SLC51A: variants seen among roughly 807,000 people sequenced by gnomAD.
SLC51A encodes the protein organic solute transporter subunit alpha.
Under a neutral mutation model 34.8 loss-of-function variants are expected in SLC51A, and 22 were observed. The observed-to-expected ratio is 0.63, with a 90% CI of 0.45 to 0.90. The LOEUF (loss-of-function observed/expected upper bound fraction) is 0.90, where lower values mean the gene tolerates loss of function less well. Ranked by LOEUF, SLC51A falls within the 40% of genes least tolerant of loss-of-function variation. The pLI is 0.00. For synonymous variants in SLC51A, 181 were observed against 176.3 expected (o/e 1.03, Z -0.21); for missense variants, 371 against 414.8 (o/e 0.89, Z 0.92).
rs1383018046 is a variant in SLC51A, at chr3:196,216,576, C to T, written c.-137C>T. ...CGGGAAGCTCAAGGAGGGAGAGCGGCAGAGGGGAAGACTCTGCAATTCTGC... is the reference window on the plus strand; with the variant it reads ...CGGGAAGCTCAAGGAGGGAGAGCGGTAGAGGGGAAGACTCTGCAATTCTGC... On this transcript the variant is annotated 5_prime_UTR_variant, in exon 1 of 9. Coordinates refer to ENST00000296327, the MANE Select transcript of SLC51A (RefSeq NM_152672.6). The surrounding 1 kb of genome is among the most constrained non-coding windows in gnomAD (Gnocchi z 4.5). The T allele has an allele frequency of 1.2e-6, 1 of 868,914 alleles. No homozygotes were observed. Among genetic ancestry groups the T allele is most frequent in the Non-Finnish European group, 1.9e-6 (1 of 534,686 alleles). The allele number at this position is 868,914 out of a possible 1,614,324, so 53.8% of individuals were successfully genotyped here.
chr3:196,218,963 C>T (rs1209271134), intron 2 of SLC51A, among the ~76,000 whole-genome samples: 7 of 152,156 alleles, frequency 4.6e-5, no homozygotes, highest in African/African-American at 7.2e-5. Flanking sequence ...CGGTGGCTCA[C>T]GCCTGTAATC....
chr3:196,225,040 T>C (rs1186230784), intron 2 of SLC51A, among the ~76,000 whole-genome samples: 3 of 150,378 alleles, frequency 2.0e-5, no homozygotes, highest in Non-Finnish European at 4.5e-5. Flanking sequence ...TTTTTTTTTT[T>C]CACCCAGGCT....
intron 7 of SLC51A, among the ~76,000 whole-genome samples, chr3:196,231,543 T>C (rs1245540103): frequency 6.6e-6 from 1 of 152,012 alleles, no homozygotes; most frequent in East Asian, 1.9e-4. Flanking sequence ...TCCAGGCACA[T>C]AGGAGGTAGA....
At chr3:196,218,069 G>A (rs572862528) in intron 2 of SLC51A, 133 bp downstream of exon 2, 8 of 785,794 alleles carry the variant, frequency 1.0e-5, no homozygotes, top group South Asian at 3.2e-5. Context: ...GTCTGTCATC[G>A]TGGTTAAGGC....
chr3:196,226,729 A>G (rs1233139304), intron 2 of SLC51A, among the ~76,000 whole-genome samples: 1 of 145,848 alleles, frequency 6.9e-6, no homozygotes, highest in Non-Finnish European at 1.5e-5. Context: ...ACCCAAGTTC[A>G]CACCACTGCA....
intron 7 of SLC51A, among the ~76,000 whole-genome samples, chr3:196,231,813 C>T (rs1724035173): frequency 6.6e-6 from 1 of 152,150 alleles, no homozygotes; most frequent in Non-Finnish European, 1.5e-5. Context: ...GGACAGTGAT[C>T]TTCTTCTTCT....
chr3:196,233,349 G>A lies in SLC51A; in HGVS notation c.*150G>A, dbSNP rs1724072618. 3 of 906,136 alleles carry A rather than the reference G, an allele frequency of 3.3e-6. No homozygotes were observed. Among genetic ancestry groups the A allele is most frequent in the Admixed American group, 5.2e-5 (2 of 38,460 alleles). 56.1% of individuals were successfully genotyped at this position (906,136 alleles called of 1,614,324 possible). ...GACTCTACAGATGAAGGTGAACAAT[G>A]TTAGAATAAAATTGCTTTGGATCTT... On this transcript the variant is annotated 3_prime_UTR_variant, in exon 9 of 9. Coordinates refer to ENST00000296327, the MANE Select transcript of SLC51A (RefSeq NM_152672.6).
Position 196,227,264 on chromosome 3 carries a change from C to T in SLC51A, c.288+145C>T, listed in dbSNP as rs899169971. 6 of 780,932 alleles carry T rather than the reference C, an allele frequency of 7.7e-6. No homozygotes were observed. In the African/African-American group the frequency reaches 8.7e-5, roughly 11 times the overall value. 48.4% of individuals were successfully genotyped at this position (780,932 alleles called of 1,614,324 possible). A position where few individuals can be genotyped will look rare whatever the true frequency, so the allele number is the denominator to read the frequency against. ...GGCCGAGGTTTGCAGGCCGACCTCC[C>T]CTTGCAGTTAGGATCCTCTGCTTGG... On this transcript the variant is annotated intron_variant, in intron 3 of 8. Coordinates refer to ENST00000296327, the MANE Select transcript of SLC51A (RefSeq NM_152672.6).
At chr3:196,222,555 G>A (rs1289697259) in intron 2 of SLC51A, among the ~76,000 whole-genome samples, 2 of 150,882 alleles carry the variant, frequency 1.3e-5, no homozygotes, top group Non-Finnish European at 3.0e-5. Context: ...GAATTGCTTG[G>A]ATCCACGAGG....
chr3:196,223,458 G>A (rs1319918650), intron 2 of SLC51A, among the ~76,000 whole-genome samples: 1 of 151,762 alleles, frequency 6.6e-6, no homozygotes, highest in Admixed American at 6.6e-5. Flanking sequence ...TACCCGGAAT[G>A]GAGATTTTCA....
rs1723940244 is a variant in SLC51A, at chr3:196,228,029, C to T, written c.363-86C>T. 1 of 1,542,956 alleles carries T rather than the reference C, an allele frequency of 6.5e-7. No individual in the cohort carries two copies. The highest frequency in any genetic ancestry group is 1.8e-5 in the Admixed American group (1 of 55,206). ...ACACACCCAGAACGCCCAGCCCTAG[C>T]TCTGCTCCTCAGTAAGCCCCACCTC... On this transcript the variant is annotated intron_variant, in intron 4 of 8. Coordinates refer to ENST00000296327, the MANE Select transcript of SLC51A (RefSeq NM_152672.6). The surrounding 1 kb of genome is among the most constrained non-coding windows in gnomAD (Gnocchi z 4.9).
intron 8 of SLC51A, 129 bp downstream of exon 8, chr3:196,232,653 G>A: frequency 1.4e-6 from 1 of 703,446 alleles, no homozygotes. Flanking sequence ...GGATCTTCGG[G>A]AAATCCCAAC....
Position 196,230,510 on chromosome 3 carries a change from A to AT in SLC51A, c.780+466dup, listed in dbSNP as rs372727578. ...CCCCTTGTGTTTCTGTGTGTCTTCT[A>AT]TTTTTTTTTTTTTTTTTGAGACAGA... On this transcript the variant is annotated intron_variant, in intron 7 of 8. Coordinates refer to ENST00000296327, the MANE Select transcript of SLC51A (RefSeq NM_152672.6). Among the ~76,000 whole-genome samples the AT allele has an allele frequency of 8.0e-3, 1,084 of 135,058 alleles. 7 individuals carry two copies. The highest frequency in any genetic ancestry group is 0.019 in the Middle Eastern group (5 of 262). 88.6% of individuals were successfully genotyped at this position (135,058 alleles called of 152,430 possible).
chr3:196,231,899 G>A (rs1409273068), intron 7 of SLC51A, among the ~76,000 whole-genome samples: 1 of 134,474 alleles, frequency 7.4e-6, no homozygotes, highest in Non-Finnish European at 1.6e-5. Context: ...AGGTTCTGTG[G>A]CATTAAGTAC....
chr3:196,216,954 C>A lies in SLC51A; in HGVS notation c.38+204C>A, dbSNP rs954524886. 1.3e-5 allele frequency among the ~76,000 whole-genome samples: 2 copies of A among 152,354 alleles called. No homozygotes were observed. Among genetic ancestry groups the A allele is most frequent in the Admixed American group, 6.5e-5 (1 of 15,310 alleles). On this transcript the variant is annotated intron_variant, in intron 1 of 8. Transcript: ENST00000296327. The surrounding 1 kb of genome is among the most constrained non-coding windows in gnomAD (Gnocchi z 4.5). ...CACTCCAGGGCCTCGGCCTTGCCCC[C>A]CAGCGTGGGGAGAGAAAGGTCGCAG...
At chr3:196,225,097 CG>C (rs1478913159) in intron 2 of SLC51A, among the ~76,000 whole-genome samples, 1 of 151,228 alleles carries the variant, frequency 6.6e-6, no homozygotes, top group African/African-American at 2.4e-5. Context: ...TCACCTCTCC[CG>C]GAGTAGCTGG....
intron 4 of SLC51A, 55 bp downstream of exon 4, chr3:196,227,792 G>T: frequency 6.6e-7 from 1 of 1,512,794 alleles, no homozygotes; most frequent in South Asian, 1.2e-5. Flanking sequence ...CGCTCACCAG[G>T]ACTCGAGTCC....
chr3:196,217,285 G>A (rs556969981), intron 1 of SLC51A, among the ~76,000 whole-genome samples: 55 of 152,356 alleles, frequency 3.6e-4, no homozygotes, highest in South Asian at 1.0e-3. Context: ...AGGCTGAGGC[G>A]GGAGTCCAGG....
At position 196,227,664 on chromosome 3, in the gene SLC51A, G is replaced by C. The variant is rs1355215232; in HGVS notation, c.289G>C (p.Val97Leu). Residue 97 changes from valine to leucine, a missense_variant and splice_region_variant, in exon 4 of 9, where the codon GTG becomes CTG. Transcript: ENST00000296327. ...ACCTGCTCCTGCCCCTTCTGAGCAG[G>C]TGGTGTCTGTGCTGTGCTGCTTTGG... The part of the protein sequence containing the change: ...TLLWKSSAPT[V>L]VSVLCCFGLW... 1.2e-6 allele frequency: 2 copies of C among 1,613,818 alleles called. No individual in the cohort carries two copies. Among genetic ancestry groups the C allele is most frequent in the Non-Finnish European group, 1.7e-6 (2 of 1,179,968 alleles).
Sources: gnomAD v4.1 joint callset for allele counts (sites outside exome capture counted in the v4.1 genomes callset) on GRCh38, gnomAD v4.1.1 for gene constraint, Gnocchi (gnomAD v3.1) non-coding constraint, MANE v1.5 for transcripts, NCBI Gene and HGNC (gene_info 2026-07-23, HGNC 2026-07-21) for gene names.